Variants in DLG2 observed in about 807,000 individuals in gnomAD.
DLG2 encodes the protein discs large MAGUK scaffold protein 2.
A neutral mutation model predicts 132.5 loss-of-function variants in DLG2; 45 were observed. That is an observed-to-expected ratio of 0.34 (90% CI 0.27 to 0.44). The LOEUF (loss-of-function observed/expected upper bound fraction) is 0.44, where lower values mean the gene tolerates loss of function less well. DLG2 is among the 20% of genes least tolerant of loss of function. The pLI is 1.00. For synonymous variants in DLG2, 424 were observed against 419.6 expected, an observed-to-expected ratio of 1.01 and a Z score of -0.13; for missense variants, 1,045 against 1,196.9, an observed-to-expected ratio of 0.87 and a Z score of 1.87.
intron 3 of DLG2, among the ~76,000 whole-genome samples, chr11:85,315,833 C>T (rs925371367): frequency 6.6e-6 from 1 of 151,936 alleles, no homozygotes; most frequent in African/African-American, 2.4e-5. Context: ...TAAAAACTGC[C>T]TCTTCACCTC....
At chr11:85,108,121 C>T (rs1292978359) in intron 6 of DLG2, among the ~76,000 whole-genome samples, 1 of 151,670 alleles carries the variant, frequency 6.6e-6, no homozygotes, top group African/African-American at 2.4e-5. Context: ...CTGGAGGAGC[C>T]AGAAATCAAA....
chr11:85,485,573 G>A (rs1459305498), intron 3 of DLG2, among the ~76,000 whole-genome samples: 1 of 152,190 alleles, frequency 6.6e-6, no homozygotes, highest in African/African-American at 2.4e-5. Flanking sequence ...TGTGAGTAAG[G>A]AGAGGGAAGG....
intron 4 of DLG2, among the ~76,000 whole-genome samples, chr11:85,264,208 T>C (rs2077088188): frequency 1.3e-5 from 2 of 152,162 alleles, no homozygotes; most frequent in Admixed American, 1.3e-4. Flanking sequence ...GTTTCTTTTC[T>C]CATGCATCCA....
chr11:84,168,912 T>C (rs2095744731), intron 8 of DLG2, among the ~76,000 whole-genome samples: 1 of 152,042 alleles, frequency 6.6e-6, no homozygotes, highest in Non-Finnish European at 1.5e-5. Flanking sequence ...ATCCTTCCCT[T>C]CTTTTGGAGT....
intron 4 of DLG2, among the ~76,000 whole-genome samples, chr11:85,281,548 A>T (rs1384409820): frequency 6.6e-6 from 1 of 152,028 alleles, no homozygotes; most frequent in Non-Finnish European, 1.5e-5. Context: ...GCCTTTTGGG[A>T]AGCTCAGATC....
chr11:84,261,507 G>A (rs1388868714), intron 7 of DLG2, among the ~76,000 whole-genome samples: 1 of 152,080 alleles, frequency 6.6e-6, no homozygotes, highest in South Asian at 2.1e-4. Flanking sequence ...CTCATTATTT[G>A]TATTACTTCA....
In DLG2 at chr11:83,967,844, T is replaced by TGGTATTA. The variant is rs2090542987; in HGVS notation, c.1057-2377_1057-2376insTAATACC. 3.9e-5 allele frequency among the ~76,000 whole-genome samples: 6 copies of TGGTATTA among 152,252 alleles called. 1 individual carries two copies. The South Asian group carries it at 1.2e-3, about 32-fold the overall frequency. ...CCTATGTTCTTTTCTAGAAATTTTA[T>TGGTATTA]GGTTTTAGGTTTTACGTTTAGGTCT... On this transcript the variant is annotated intron_variant, in intron 12 of 27. Coordinates refer to ENST00000376104, the MANE Select transcript of DLG2 (RefSeq NM_001142699.3).
intron 6 of DLG2, among the ~76,000 whole-genome samples, chr11:84,844,125 GTGTGTGTGTGTATATATATATA>G (rs1433943211): frequency 2.9e-5 from 1 of 34,430 alleles, no homozygotes; most frequent in Non-Finnish European, 6.3e-5. Context: ...GTGTGTGTGT[GTGTGTGTGTGTATATATATATA>G]TATATATATA....
intron 6 of DLG2, among the ~76,000 whole-genome samples, chr11:84,642,776 T>C (rs2099669339): frequency 6.6e-6 from 1 of 152,172 alleles, no homozygotes; most frequent in Non-Finnish European, 1.5e-5. Context: ...TTCAATATAA[T>C]GTGCATTGAA....
chr11:84,447,631 G>T (rs556326271), intron 7 of DLG2, among the ~76,000 whole-genome samples: 134 of 152,064 alleles, frequency 8.8e-4, no homozygotes, highest in Non-Finnish European at 1.6e-3. Context: ...TGAGCCTTAT[G>T]AGTAGTTTTT....
chr11:85,137,962 T>A (rs900994183), intron 5 of DLG2, among the ~76,000 whole-genome samples: 7 of 152,062 alleles, frequency 4.6e-5, no homozygotes, highest in East Asian at 3.9e-4. Context: ...AGGACAGTAA[T>A]GGATCCCGAA....
chr11:84,756,025 G>A (rs1597397498), intron 6 of DLG2, among the ~76,000 whole-genome samples: 1 of 152,176 alleles, frequency 6.6e-6, no homozygotes, highest in East Asian at 1.9e-4. Context: ...AATTCATTAG[G>A]AAACATGGTG....
intron 6 of DLG2, among the ~76,000 whole-genome samples, chr11:84,552,686 T>A (rs2154524447): frequency 6.6e-6 from 1 of 152,360 alleles, no homozygotes; most frequent in Non-Finnish European, 1.5e-5. Flanking sequence ...TGTTTATGGC[T>A]GTAGGACCTG....
chr11:84,404,071 A>G (rs2098840085), intron 7 of DLG2, among the ~76,000 whole-genome samples: 1 of 151,988 alleles, frequency 6.6e-6, no homozygotes, highest in Non-Finnish European at 1.5e-5. Context: ...AAATTGTATT[A>G]TTGCTTTACC....
At chr11:84,508,537 G>A (rs2099248658) in intron 7 of DLG2, among the ~76,000 whole-genome samples, 1 of 151,592 alleles carries the variant, frequency 6.6e-6, no homozygotes, top group African/African-American at 2.4e-5. Context: ...CAAGTAGCTG[G>A]GACTACAGGT....
intron 6 of DLG2, among the ~76,000 whole-genome samples, chr11:84,953,309 T>C (rs1004760952): frequency 1.3e-5 from 2 of 152,202 alleles, no homozygotes; most frequent in African/African-American, 4.8e-5. Flanking sequence ...TAAAACACAA[T>C]GACACAGTCA....
chr11:85,305,400 A>T (rs1400663218), intron 3 of DLG2, among the ~76,000 whole-genome samples: 1 of 152,210 alleles, frequency 6.6e-6, no homozygotes, highest in Non-Finnish European at 1.5e-5. Flanking sequence ...TCACCAACGA[A>T]ACAGTAAACA....
chr11:84,225,850 G>A (rs1418373741), intron 8 of DLG2, among the ~76,000 whole-genome samples: 2 of 144,122 alleles, frequency 1.4e-5, no homozygotes, highest in Admixed American at 1.4e-4. Context: ...TCACTTTGTT[G>A]CCCAGGCCGA....
chr11:83,593,410 C>T lies in DLG2; in HGVS notation c.1940+39801G>A, dbSNP rs1331439623. Among the ~76,000 whole-genome samples, 5 of 151,404 alleles carry T rather than the reference C, an allele frequency of 3.3e-5. No individual in the cohort carries two copies. In the South Asian group the frequency reaches 6.3e-4, roughly 19 times the overall value. On this transcript the variant is annotated intron_variant, in intron 19 of 27. Coordinates refer to ENST00000376104, the MANE Select transcript of DLG2 (RefSeq NM_001142699.3). ...ATCGCAAGAACAAAAAACCAAACAC[C>T]GCATATTCTCACTCACAGGTGGGAA...
Sources: allele counts gnomAD v4.1 joint callset (sites outside exome capture counted in the v4.1 genomes callset), GRCh38; gene constraint gnomAD v4.1.1; transcripts MANE v1.5; gene names NCBI Gene and HGNC (gene_info 2026-07-23, HGNC 2026-07-21).